The following INSL6 variants were observed in gnomAD, a reference collection of about 807,000 sequenced individuals.
The protein encoded by INSL6 is insulin-like peptide INSL6.
A neutral mutation model predicts 9.4 loss-of-function variants in INSL6; 16 were observed. The ratio of observed to expected loss-of-function variants is 1.70; its 90% CI spans 1.15 to 2.59. The LOEUF is 2.59. Ranked by LOEUF, INSL6 falls within the 30% of genes most tolerant of loss-of-function variation. The pLI is 0.00. For synonymous variants in INSL6, 154 were observed against 96.9 expected (o/e 1.59, Z -3.46); for missense variants, 391 against 257.3 (o/e 1.52, Z -3.56).
chr9:5,131,123 A>C (rs908266894), intron 3 of INSL6, among the ~76,000 whole-genome samples: 6 of 152,356 alleles, frequency 3.9e-5, no homozygotes, highest in African/African-American at 1.4e-4. Context: ...AATCAAAGAT[A>C]CTAAAGCAAA....
the INSL6 span, among the ~76,000 whole-genome samples, chr9:5,004,355 T>TAAAA: frequency 6.6e-6 from 1 of 152,226 alleles, no homozygotes; most frequent in Non-Finnish European, 1.5e-5. Flanking sequence ...TCTACTTTTT[T>TAAAA]AGATTCTATG....
At chr9:5,148,424 C>T (rs935306750) in intron 2 of INSL6, among the ~76,000 whole-genome samples, 2 of 152,160 alleles carry the variant, frequency 1.3e-5, no homozygotes, top group Non-Finnish European at 2.9e-5. Context: ...GGTGACCCCC[C>T]TCACCCGGTC....
the INSL6 span, among the ~76,000 whole-genome samples, chr9:5,070,976 T>C: frequency 6.6e-6 from 1 of 152,196 alleles, no homozygotes; most frequent in African/African-American, 2.4e-5. Context: ...TAAAACAATA[T>C]ATAGAATGTG....
intron 3 of INSL6, among the ~76,000 whole-genome samples, chr9:5,128,603 A>C (rs1168542014): frequency 6.6e-6 from 1 of 151,972 alleles, no homozygotes; most frequent in Non-Finnish European, 1.5e-5. Flanking sequence ...AACTTTTCTT[A>C]AACATTTTTT....
At chr9:5,120,838 G>A (rs1823561454), downstream of INSL6, among the ~76,000 whole-genome samples, 1 of 152,132 alleles carries the variant, frequency 6.6e-6, no homozygotes, top group Non-Finnish European at 1.5e-5. Flanking sequence ...AAATTGAGCA[G>A]CTAAATAGAT....
intron 2 of INSL6, among the ~76,000 whole-genome samples, chr9:5,156,023 G>T (rs1824809284): frequency 6.6e-6 from 1 of 151,874 alleles, no homozygotes; most frequent in Admixed American, 6.6e-5. Context: ...ATAAAAAAAG[G>T]ATTAGCATTT....
chr9:5,146,465 G>C (rs942031462), intron 2 of INSL6, among the ~76,000 whole-genome samples: 4 of 152,234 alleles, frequency 2.6e-5, no homozygotes, highest in African/African-American at 9.6e-5. Context: ...TGCTGCACTG[G>C]AAGTAGTGTT....
intron 1 of INSL6, among the ~76,000 whole-genome samples, chr9:5,184,862 T>C (rs1825533245): frequency 6.6e-6 from 1 of 152,218 alleles, no homozygotes; most frequent in East Asian, 1.9e-4. Flanking sequence ...TTGAACAAGG[T>C]ACTCTGCATT....
At chr9:5,102,242 A>G in the INSL6 span, among the ~76,000 whole-genome samples, 1 of 152,230 alleles carries the variant, frequency 6.6e-6, no homozygotes, top group Admixed American at 6.5e-5. Context: ...TACAGGACGC[A>G]TGCACAAGCT....
At chr9:5,107,610 T>C in the INSL6 span, among the ~76,000 whole-genome samples, 1 of 152,274 alleles carries the variant, frequency 6.6e-6, no homozygotes, top group African/African-American at 2.4e-5. Context: ...TTCGATTCAT[T>C]AGATTATAAT....
intron 1 of INSL6, among the ~76,000 whole-genome samples, chr9:5,168,423 G>A (rs146861246): frequency 1.1e-4 from 17 of 152,226 alleles, no homozygotes; most frequent in Non-Finnish European, 1.6e-4. Context: ...TGAACTTCAC[G>A]ATGCAAACAC....
At chr9:5,054,724 A>G in the INSL6 span, 1 of 1,613,400 alleles carries the variant, frequency 6.2e-7, no homozygotes, top group Non-Finnish European at 8.5e-7. The surrounding 1 kb of genome is among the most constrained non-coding windows in gnomAD (Gnocchi z 4.9). Flanking sequence ...ATAAATCTGG[A>G]AACTCTGCAG....
At chr9:5,124,479 T>G (rs957510055) in exon 4 of INSL6, among the ~76,000 whole-genome samples, 2 of 151,760 alleles carry the variant, frequency 1.3e-5, no homozygotes, top group Admixed American at 1.3e-4. Context: ...TTTCCCATAC[T>G]GCGCAAAGCA....
the INSL6 span, chr9:5,077,704 G>A: frequency 1.9e-6 from 1 of 521,482 alleles, no homozygotes; most frequent in Non-Finnish European, 3.1e-6. Context: ...AAAATAGTCT[G>A]TGTTAGGTGA....
At chr9:5,078,180 A>G in the INSL6 span, 1 of 706,104 alleles carries the variant, frequency 1.4e-6, no homozygotes, top group South Asian at 2.5e-5. Context: ...TTCTCAATGC[A>G]TGCCTCCAAA....
chr9:4,996,776 T>C, the INSL6 span, among the ~76,000 whole-genome samples: 2 of 152,118 alleles, frequency 1.3e-5, no homozygotes, highest in Non-Finnish European at 2.9e-5. Flanking sequence ...TTATGAAAAT[T>C]TAAAATTATT....
chr9:5,178,237 T>C (rs1184388790), intron 1 of INSL6, among the ~76,000 whole-genome samples: 3 of 152,168 alleles, frequency 2.0e-5, no homozygotes, highest in African/African-American at 7.2e-5. Context: ...TTGTAGGGGC[T>C]TCAGCCACTC....
chr9:5,124,105 G>A (rs1823816818), exon 4 of INSL6, among the ~76,000 whole-genome samples: 1 of 151,570 alleles, frequency 6.6e-6, no homozygotes. Context: ...AATTCTGGAT[G>A]GTAGTTCCTT....
intron 1 of INSL6, among the ~76,000 whole-genome samples, chr9:5,182,672 C>T (rs1321607124): frequency 6.6e-6 from 1 of 151,904 alleles, no homozygotes. Context: ...GAATATGTGA[C>T]ATGAAGACTA....
Sources: allele counts gnomAD v4.1 joint callset (sites outside exome capture counted in the v4.1 genomes callset), GRCh38; gene constraint gnomAD v4.1.1; non-coding constraint Gnocchi (gnomAD v3.1); transcripts MANE v1.5; gene names NCBI Gene and HGNC (gene_info 2026-07-23, HGNC 2026-07-21).